HEATR5A: variants seen among roughly 807,000 people sequenced by gnomAD.
HEATR5A encodes HEAT repeat-containing protein 5A.
A neutral mutation model predicts 218.8 loss-of-function variants in HEATR5A; 178 were observed. That is an observed-to-expected ratio of 0.81 (90% CI 0.72 to 0.92). The LOEUF is 0.92. HEATR5A is among the 40% of genes least tolerant of loss of function. The probability of loss-of-function intolerance (pLI) is 0.00; values close to 1 mark genes in which losing one functional copy is unlikely to be tolerated. For missense variants in HEATR5A, 2,420 were observed against 2,418.9 expected, an observed-to-expected ratio of 1.00 and a Z score of -0.01; for synonymous variants, 864 against 871.6, an observed-to-expected ratio of 0.99 and a Z score of 0.15.
chr14:31,313,106 C>G lies in HEATR5A; in HGVS notation c.4303G>C (p.Gly1435Arg). Residue 1435 changes from glycine (G) to arginine (R), a missense_variant, in exon 28 of 36, where the codon GGA becomes CGA. Physicochemically the swap from Gly to Arg is moderately radical, Grantham distance 125. Coordinates refer to ENST00000543095, the MANE Select transcript of HEATR5A (RefSeq NM_015473.4). ...AGCAGTCCATCTGATGAACATGATCCATTTCTGATACCGTCTTCTAAACAG... is the reference window on the plus strand; with the variant it reads ...AGCAGTCCATCTGATGAACATGATCGATTTCTGATACCGTCTTCTAAACAG... ...TTCLEDGIRN[G>R]SCSSDGLLDL... 6.2e-7 allele frequency: 1 copy of G among 1,613,856 alleles called. No individual in the cohort carries two copies. Among genetic ancestry groups the G allele is most frequent in the Non-Finnish European group, 8.5e-7 (1 of 1,179,774 alleles).
chr14:31,322,096 C>T (rs1207172333), intron 24 of HEATR5A, among the ~76,000 whole-genome samples: 5 of 152,076 alleles, frequency 3.3e-5, no homozygotes, highest in Admixed American at 6.6e-5. Context: ...AAGTTTTATG[C>T]GGCTCTTTCT....
chr14:31,343,589 C>T (rs1900913942), intron 21 of HEATR5A, among the ~76,000 whole-genome samples: 1 of 152,116 alleles, frequency 6.6e-6, no homozygotes, highest in South Asian at 2.1e-4. Context: ...TAGAGTTTTG[C>T]ATGTCCTACA....
chr14:31,324,080 AT>A (rs1281391189), intron 23 of HEATR5A, among the ~76,000 whole-genome samples: 1 of 152,220 alleles, frequency 6.6e-6, no homozygotes, highest in Non-Finnish European at 1.5e-5. Flanking sequence ...ACAATAAAAA[AT>A]ATTTAAAAAA....
chr14:31,399,320 T>C (rs1045108533), intron 3 of HEATR5A, among the ~76,000 whole-genome samples: 1 of 152,240 alleles, frequency 6.6e-6, no homozygotes, highest in African/African-American at 2.4e-5. Flanking sequence ...ATTACTCTAC[T>C]ATTCAGCCCA....
At chr14:31,314,933 G>A (rs940364521) in intron 27 of HEATR5A, among the ~76,000 whole-genome samples, 2 of 152,156 alleles carry the variant, frequency 1.3e-5, no homozygotes, top group African/African-American at 4.8e-5. Context: ...AGCACTTTAA[G>A]AGGCAGAGGA....
intron 1 of HEATR5A, among the ~76,000 whole-genome samples, chr14:31,415,265 T>C (rs913270871): frequency 6.6e-6 from 1 of 152,230 alleles, no homozygotes; most frequent in African/African-American, 2.4e-5. Context: ...TCTCACTCCC[T>C]GCCAGATGTC....
Position 31,349,806 on chromosome 14 carries a change from A to G in HEATR5A, c.2691T>C (p.Ala897=), listed in dbSNP as rs769300278. ...VDDGAFTAGL[A]QVSFDKLKSA... ...TCACTTACTTGTCAAAGCTAACTTG[A>G]GCTAATCCAGCAGTAAAAGCTCCAT... Residue 897 remains alanine (A), a synonymous_variant, in exon 18 of 36, where the codon GCT becomes GCC. Coordinates refer to ENST00000543095, the MANE Select transcript of HEATR5A (RefSeq NM_015473.4). The G allele has an allele frequency of 3.1e-6, 5 of 1,611,720 alleles. No individual in the cohort carries two copies. Among genetic ancestry groups the G allele is most frequent in the Non-Finnish European group, 4.2e-6 (5 of 1,178,210 alleles).
At chr14:31,328,501 G>C (rs563547458) in intron 22 of HEATR5A, among the ~76,000 whole-genome samples, 1 of 152,246 alleles carries the variant, frequency 6.6e-6, no homozygotes, top group South Asian at 2.1e-4. Flanking sequence ...TCTTAGGTGT[G>C]TGATCATGTA....
chr14:31,367,504 A>C (rs1359834217), intron 13 of HEATR5A, among the ~76,000 whole-genome samples: 1 of 145,904 alleles, frequency 6.9e-6, no homozygotes, highest in South Asian at 2.2e-4. Context: ...GTTTCAGACT[A>C]TTCTCCTGCC....
rs1333219987 is a variant in HEATR5A, at chr14:31,295,130, T to TA, written c.5619+778dup. On this transcript the variant is annotated intron_variant, in intron 34 of 35. Transcript: ENST00000543095. ...GGCTATGAACTCACCTAGAGGCACA[T>TA]AAAAAATAGGACATTACTCAAGCAA... Among the ~76,000 whole-genome samples, 7 of 152,250 alleles carry TA rather than the reference T, an allele frequency of 4.6e-5. 1 individual carries two copies. The highest frequency in any genetic ancestry group is 8.8e-5 in the Non-Finnish European group (6 of 68,018).
Position 31,383,687 on chromosome 14 carries a change from G to A in HEATR5A, c.1430C>T (p.Ala477Val), listed in dbSNP as rs773864102. Residue 477 changes from alanine to valine, a missense_variant, in exon 10 of 36, where the codon GCC becomes GTC. Coordinates refer to ENST00000543095, the MANE Select transcript of HEATR5A (RefSeq NM_015473.4). Reference sequence around the variant, plus strand: ...TGTTAGGTAGGAGGGTAATGCCACGGCAATGCAGTGTAAACACCAAGCTGC... The same window carrying A: ...TGTTAGGTAGGAGGGTAATGCCACGACAATGCAGTGTAAACACCAAGCTGC... ...LAAAWCLHCI[A>V]VALPSYLTPL... The A allele has an allele frequency of 6.2e-7, 1 of 1,613,856 alleles. No individual in the cohort carries two copies. The highest frequency in any genetic ancestry group is 1.1e-5 in the South Asian group (1 of 91,084).
chr14:31,299,886 A>G (rs1899311730), intron 33 of HEATR5A, among the ~76,000 whole-genome samples: 1 of 151,250 alleles, frequency 6.6e-6, no homozygotes, highest in South Asian at 2.1e-4. Context: ...AAAAAAAAAA[A>G]TTAGCCAGGC....
At chr14:31,357,212 C>T (rs1225516974) in intron 16 of HEATR5A, among the ~76,000 whole-genome samples, 1 of 152,148 alleles carries the variant, frequency 6.6e-6, no homozygotes, top group East Asian at 1.9e-4. Flanking sequence ...GAAACTGAAG[C>T]TAGTAAAAAT....
At position 31,292,450 on chromosome 14, in the gene HEATR5A, C is replaced by T. The variant is rs967544080; in HGVS notation, c.*855G>A. 13 of 152,262 alleles carry T rather than the reference C, an allele frequency of 8.5e-5. No individual in the cohort carries two copies. Among genetic ancestry groups the T allele is most frequent in the African/African-American group, 2.6e-4 (11 of 41,560 alleles). The allele number at this position is 152,262 out of a possible 1,614,324, so 9.4% of individuals were successfully genotyped here. A position where few individuals can be genotyped will look rare whatever the true frequency, so the allele number is the denominator to read the frequency against. On this transcript the variant is annotated 3_prime_UTR_variant, in exon 36 of 36. Coordinates refer to ENST00000543095, the MANE Select transcript of HEATR5A (RefSeq NM_015473.4). The stretch of plus-strand genomic sequence containing the variant: ...TATAGACACCAAATCTTATGTTGCA[C>T]TGTAAGGCTGTAAGTAATTTGTACT...
chr14:31,315,573 T>C (rs927727502), intron 27 of HEATR5A, among the ~76,000 whole-genome samples, 197 bp downstream of exon 27: 2 of 152,208 alleles, frequency 1.3e-5, no homozygotes, highest in Non-Finnish European at 2.9e-5. Flanking sequence ...AAGTAGGAGA[T>C]AATAGACTAC....
At position 31,335,152 on chromosome 14, in the gene HEATR5A, T is replaced by C. The variant is rs116216018; in HGVS notation, c.3367+2324A>G. On this transcript the variant is annotated intron_variant, in intron 22 of 35. Transcript: ENST00000543095. ...ATTTAAGGTATGTACATTGCTTTTTTAGCCATAATGCTATTTCACACTTAG... is the reference window on the plus strand; with the variant it reads ...ATTTAAGGTATGTACATTGCTTTTTCAGCCATAATGCTATTTCACACTTAG... Among the ~76,000 whole-genome samples, 1,062 of 152,202 alleles carry C rather than the reference T, an allele frequency of 7.0e-3. 10 individuals are homozygous for C. The highest frequency in any genetic ancestry group is 0.024 in the African/African-American group (1,005 of 41,536).
chr14:31,321,971 T>G, intron 24 of HEATR5A, among the ~76,000 whole-genome samples: 1 of 152,194 alleles, frequency 6.6e-6, no homozygotes, highest in East Asian at 1.9e-4. Flanking sequence ...TGTTCAGCTT[T>G]TATGATAAAA....
chr14:31,399,766 G>C (rs541195395), intron 3 of HEATR5A, among the ~76,000 whole-genome samples: 1 of 152,284 alleles, frequency 6.6e-6, no homozygotes, highest in South Asian at 2.1e-4. Context: ...GGAGGCAGAG[G>C]TTGCAGTGAG....
At chr14:31,327,188 T>C (rs1251640755) in intron 22 of HEATR5A, among the ~76,000 whole-genome samples, 2 of 151,820 alleles carry the variant, frequency 1.3e-5, no homozygotes, top group African/African-American at 4.8e-5. Context: ...TTGGTCAGGC[T>C]GGTCTTGAAC....
Sources: allele counts gnomAD v4.1 joint callset (sites outside exome capture counted in the v4.1 genomes callset), GRCh38; gene constraint gnomAD v4.1.1; transcripts MANE v1.5; gene names NCBI Gene and HGNC (gene_info 2026-07-23, HGNC 2026-07-21).